Variants in TC2N observed in about 807,000 individuals in gnomAD.
The protein encoded by TC2N is tandem C2 domains nuclear protein.
A neutral mutation model predicts 61.9 loss-of-function variants in TC2N; 51 were observed. The observed-to-expected ratio is 0.82, with a 90% CI of 0.66 to 1.04. The LOEUF is 1.04. Ranked by LOEUF, TC2N falls within the 50% of genes least tolerant of loss-of-function variation. The pLI is 0.00. For synonymous variants in TC2N, 204 were observed against 192.6 expected, an observed-to-expected ratio of 1.06 and a Z score of -0.49; for missense variants, 556 against 566.7, an observed-to-expected ratio of 0.98 and a Z score of 0.19.
At chr14:91,802,103 A>G (rs1034823307) in intron 4 of TC2N, 151 bp downstream of exon 4, 7 of 578,524 alleles carry the variant, frequency 1.2e-5, no homozygotes, top group African/African-American at 1.2e-4. Flanking sequence ...TACTACAGAG[A>G]TGTCATAACG....
At chr14:91,836,134 C>T (rs549371332) in intron 1 of TC2N, 1 of 152,614 alleles carries the variant, frequency 6.6e-6, no homozygotes. Flanking sequence ...CCCACCACGG[C>T]CCCATTTTAA....
At chr14:91,794,838 A>C (rs1885822693) in intron 8 of TC2N, among the ~76,000 whole-genome samples, 1 of 152,126 alleles carries the variant, frequency 6.6e-6, no homozygotes, top group Non-Finnish European at 1.5e-5. Flanking sequence ...TTAAAAACTA[A>C]ATTTTGTAAG....
intron 1 of TC2N, among the ~76,000 whole-genome samples, chr14:91,835,182 T>C (rs1038546945): frequency 6.6e-6 from 1 of 152,250 alleles, no homozygotes; most frequent in Non-Finnish European, 1.5e-5. Context: ...ATTTGTATTA[T>C]GGCCTCTTCC....
At chr14:91,828,538 C>G (rs1887602604) in intron 1 of TC2N, among the ~76,000 whole-genome samples, 1 of 151,834 alleles carries the variant, frequency 6.6e-6, no homozygotes, top group Admixed American at 6.6e-5. Context: ...TCTATAATTT[C>G]CTCATATTAG....
At chr14:91,783,239 A>C in intron 11 of TC2N, 29 bp from the exon 12 acceptor site, 1 of 1,242,574 alleles carries the variant, frequency 8.0e-7, no homozygotes, top group Non-Finnish European at 1.2e-6. Flanking sequence ...ACAATCATTT[A>C]ACTTGACACA....
chr14:91,838,053 G>C (rs1888081505), intron 1 of TC2N, among the ~76,000 whole-genome samples: 2 of 151,908 alleles, frequency 1.3e-5, no homozygotes, highest in Non-Finnish European at 2.9e-5. Flanking sequence ...ACCAGTTAGT[G>C]GTTGCCCAAA....
intron 3 of TC2N, among the ~76,000 whole-genome samples, chr14:91,811,041 C>T (rs115136148): frequency 0.019 from 2,892 of 152,124 alleles, 88 homozygotes; most frequent in African/African-American, 0.065. Context: ...CAATATTCAA[C>T]AAATATACAC....
chr14:91,786,715 A>G (rs558132662), intron 10 of TC2N, among the ~76,000 whole-genome samples: 1 of 152,278 alleles, frequency 6.6e-6, no homozygotes, highest in African/African-American at 2.4e-5. Flanking sequence ...TATCCTCTTC[A>G]TTGCTCAGAA....
intron 1 of TC2N, among the ~76,000 whole-genome samples, chr14:91,862,563 C>T (rs929683102): frequency 3.3e-5 from 5 of 152,098 alleles, no homozygotes; most frequent in African/African-American, 9.7e-5. Flanking sequence ...AGCCTCGAGG[C>T]AATTTCCTAG....
At chr14:91,829,060 A>T (rs1887629510) in intron 1 of TC2N, among the ~76,000 whole-genome samples, 1 of 152,018 alleles carries the variant, frequency 6.6e-6, no homozygotes, top group Non-Finnish European at 1.5e-5. Context: ...TTAAAAAAAA[A>T]AAAAAATCTT....
At chr14:91,785,819 T>C (rs1405198601) in intron 10 of TC2N, among the ~76,000 whole-genome samples, 4 of 152,056 alleles carry the variant, frequency 2.6e-5, no homozygotes. Context: ...CTTCCAGTAA[T>C]GGCAGAATAG....
intron 8 of TC2N, 99 bp downstream of exon 8, chr14:91,797,686 T>C: frequency 2.5e-6 from 2 of 795,868 alleles, no homozygotes; most frequent in South Asian, 3.3e-5. Context: ...TTCCCTAAGA[T>C]AAAAGACTTT....
At chr14:91,857,543 C>T (rs1466252683) in intron 1 of TC2N, among the ~76,000 whole-genome samples, 1 of 152,202 alleles carries the variant, frequency 6.6e-6, no homozygotes, top group Non-Finnish European at 1.5e-5. Context: ...CCACACACAT[C>T]ATCTTATTTC....
chr14:91,789,611 A>C (rs1026009495), intron 9 of TC2N, among the ~76,000 whole-genome samples: 1 of 149,244 alleles, frequency 6.7e-6, no homozygotes, highest in Non-Finnish European at 1.5e-5. Flanking sequence ...ACTCCATCTC[A>C]AAAACAAAAA....
chr14:91,797,750 A>C (rs772651803), intron 8 of TC2N, 35 bp downstream of exon 8: 80 of 1,261,916 alleles, frequency 6.3e-5, no homozygotes, highest in Middle Eastern at 5.7e-4. Context: ...AAAAAAAAAA[A>C]CAGAAAAGAA....
chr14:91,783,045 T>C lies in TC2N; in HGVS notation c.*55A>G. The C allele has an allele frequency of 6.9e-6, 8 of 1,161,280 alleles. No individual in the cohort carries two copies. In the South Asian group the frequency reaches 9.2e-5, roughly 13 times the overall value. The allele number at this position is 1,161,280 out of a possible 1,614,324, so 71.9% of individuals were successfully genotyped here. ...TCTTCTCATTGGTAGCAAATTGAAA[T>C]CATAAGTCTTCTAAAAGAATGTCAA... On this transcript the variant is annotated 3_prime_UTR_variant, in exon 12 of 12. Transcript: ENST00000435962.
chr14:91,803,352 A>G (rs1310994872), intron 3 of TC2N, among the ~76,000 whole-genome samples: 1 of 151,542 alleles, frequency 6.6e-6, no homozygotes, highest in Admixed American at 6.6e-5. Flanking sequence ...ATGGAACATA[A>G]AGAGCATTAA....
In TC2N at chr14:91,780,930, T is replaced by C. The variant is rs1179300054; in HGVS notation, c.*2170A>G. On this transcript the variant is annotated 3_prime_UTR_variant, in exon 12 of 12. Transcript: ENST00000435962. ...TAAAACATTTAGGATCTTAGTTGTATCAATACTTCTGTACCTGAAAGCTCT... is the reference window on the plus strand; with the variant it reads ...TAAAACATTTAGGATCTTAGTTGTACCAATACTTCTGTACCTGAAAGCTCT... 2.0e-5 allele frequency: 3 copies of C among 148,760 alleles called. No homozygotes were observed. The highest frequency in any genetic ancestry group is 4.4e-5 in the Non-Finnish European group (3 of 67,954). The allele number at this position is 148,760 out of a possible 1,614,324, so 9.2% of individuals were successfully genotyped here.
intron 1 of TC2N, among the ~76,000 whole-genome samples, chr14:91,846,454 C>T (rs1231466377): frequency 2.6e-5 from 4 of 152,014 alleles, no homozygotes; most frequent in Non-Finnish European, 5.9e-5. Context: ...GACAAGTCCT[C>T]GGCTGCACTG....
Sources: gnomAD v4.1 joint callset for allele counts (sites outside exome capture counted in the v4.1 genomes callset) on GRCh38, gnomAD v4.1.1 for gene constraint, MANE v1.5 for transcripts, NCBI Gene and HGNC (gene_info 2026-07-23, HGNC 2026-07-21) for gene names.